Variants in ANKRD9 observed in about 807,000 individuals in gnomAD.
ANKRD9 encodes ankyrin repeat domain-containing protein 9.
A neutral mutation model predicts 19.2 loss-of-function variants in ANKRD9; 13 were observed. The observed-to-expected ratio is 0.68, with a 90% CI of 0.44 to 1.08. The LOEUF (loss-of-function observed/expected upper bound fraction) is 1.08. Ranked by LOEUF, ANKRD9 falls within the 50% of genes least tolerant of loss-of-function variation. ANKRD9 has a pLI of 0.00. For synonymous variants in ANKRD9, 278 were observed against 256.8 expected (o/e 1.08, Z -0.79); for missense variants, 518 against 499.9 (o/e 1.04, Z -0.34).
At position 102,505,125 on chromosome 14, in the gene ANKRD9, A is replaced by G. The variant is rs1891550752; in HGVS notation, c.*1811T>C. The G allele has an allele frequency of 6.6e-6, 1 of 152,468 alleles. No homozygotes were observed. The allele number at this position is 152,468 out of a possible 1,614,324, so 9.4% of individuals were successfully genotyped here. ...AGAACAGAGCTGGAGCTGGGGAGACATGAAGTCTGCACATCTAGACCCCAG... is the reference window on the plus strand; with the variant it reads ...AGAACAGAGCTGGAGCTGGGGAGACGTGAAGTCTGCACATCTAGACCCCAG... On this transcript the variant is annotated 3_prime_UTR_variant, in exon 4 of 4. Transcript: ENST00000286918.
chr14:102,506,942 T>A lies in ANKRD9; in HGVS notation c.948A>T (p.Lys316Asn). ...CGCCTAGGGTGCTCCGGGCCTAGCC[T>A]TTGCCAGTGAGGTCCAACGGCTGCA... The part of the protein sequence containing the change: ...PFLQPLDLTG[K>N]G Residue 316 changes from lysine to asparagine, a missense_variant, in exon 4 of 4, where the codon AAA becomes AAT. By Grantham distance (94) the Lys-to-Asn change is moderately conservative (BLOSUM62 0). Transcript: ENST00000286918. 1 of 1,515,432 alleles carries A rather than the reference T, an allele frequency of 6.6e-7. No individual in the cohort carries two copies. The highest frequency in any genetic ancestry group is 2.6e-5 in the East Asian group (1 of 39,086). 93.9% of individuals were successfully genotyped at this position (1,515,432 alleles called of 1,614,324 possible).
chr14:102,505,282 C>CCCCCA lies in ANKRD9; in HGVS notation c.*1653_*1654insTGGGG, dbSNP rs988941686. The CCCCCA allele has an allele frequency of 6.6e-6, 1 of 151,902 alleles. No homozygotes were observed. Among genetic ancestry groups the CCCCCA allele is most frequent in the Non-Finnish European group, 1.5e-5 (1 of 67,968 alleles). 9.4% of individuals were successfully genotyped at this position (151,902 alleles called of 1,614,324 possible). ...TCCAAAGGAGAGGCACCTCCCCCCC[C>CCCCCA]CATGGCATCTCCAATCTGAGGACCT... On this transcript the variant is annotated 3_prime_UTR_variant, in exon 4 of 4. Coordinates refer to ENST00000286918, the MANE Select transcript of ANKRD9 (RefSeq NM_152326.4).
In ANKRD9 at chr14:102,503,849, G is replaced by C. The variant is rs914043426; in HGVS notation, c.*3087C>G. The C allele has an allele frequency of 1.3e-5, 2 of 152,180 alleles. No homozygotes were observed. The highest frequency in any genetic ancestry group is 2.9e-5 in the Non-Finnish European group (2 of 68,034). 9.4% of individuals were successfully genotyped at this position (152,180 alleles called of 1,614,324 possible). Reference sequence around the variant, plus strand: ...CAACTTCCAGGAAGAACCTTCTTCTGAATAGGATTTGAGGTAACTTAGGAA... The same window carrying C: ...CAACTTCCAGGAAGAACCTTCTTCTCAATAGGATTTGAGGTAACTTAGGAA... On this transcript the variant is annotated 3_prime_UTR_variant, in exon 4 of 4. Coordinates refer to ENST00000286918, the MANE Select transcript of ANKRD9 (RefSeq NM_152326.4).
chr14:102,507,157 C>T lies in ANKRD9; in HGVS notation c.733G>A (p.Gly245Ser). The change falls in exon 4 of 4, where the codon GGC becomes AGC. Residue 245 changes from glycine to serine, a missense_variant. Transcript: ENST00000286918. The surrounding 1 kb of genome is among the most constrained non-coding windows in gnomAD (Gnocchi z 9.2). ...CCCAGCAGCTCCTGGCGGGCCGAGC[C>T]GGCGGCACCCACGGGGGTGTACAGC... ...LALYTPVGAA[G>S]SARQELLGDR... The T allele has an allele frequency of 1.4e-6, 2 of 1,421,662 alleles. No individual in the cohort carries two copies. The highest frequency in any genetic ancestry group is 1.5e-5 in the South Asian group (1 of 67,436). The allele number at this position is 1,421,662 out of a possible 1,614,324, so 88.1% of individuals were successfully genotyped here. A position where few individuals can be genotyped will look rare whatever the true frequency, so the allele number is the denominator to read the frequency against.
In ANKRD9 at chr14:102,507,136, G is replaced by C. The variant is rs1891620656; in HGVS notation, c.754C>G (p.Leu252Val). 1 of 1,457,648 alleles carries C rather than the reference G, an allele frequency of 6.9e-7. No homozygotes were observed. Among genetic ancestry groups the C allele is most frequent in the African/African-American group, 1.5e-5 (1 of 67,592 alleles). The allele number at this position is 1,457,648 out of a possible 1,614,324, so 90.3% of individuals were successfully genotyped here. A position where few individuals can be genotyped will look rare whatever the true frequency, so the allele number is the denominator to read the frequency against. ...CGCTGCCAGCGCGGCCGGTCGCCCA[G>C]CAGCTCCTGGCGGGCCGAGCCGGCG... ...GAAGSARQEL[L>V]GDRPRWQRLL... The change falls in exon 4 of 4, where the codon CTG (leucine) becomes GTG (valine). Residue 252 changes from leucine (L) to valine (V), a missense_variant. By Grantham distance (32) the Leu-to-Val change is conservative (BLOSUM62 1). Transcript: ENST00000286918. The surrounding 1 kb of genome is among the most constrained non-coding windows in gnomAD (Gnocchi z 9.2).
At position 102,503,743 on chromosome 14, in the gene ANKRD9, T is replaced by TC. The variant is rs1475216486; in HGVS notation, c.*3192dup. On this transcript the variant is annotated 3_prime_UTR_variant, in exon 4 of 4. Coordinates refer to ENST00000286918, the MANE Select transcript of ANKRD9 (RefSeq NM_152326.4). ...ACACACTGCAGAGGGGCAGGGCTCC[T>TC]CCGGCAGTTACTCACTTCCCTTGAA... 4 of 152,160 alleles carry TC rather than the reference T, an allele frequency of 2.6e-5. No individual in the cohort carries two copies. Among genetic ancestry groups the TC allele is most frequent in the Non-Finnish European group, 5.9e-5 (4 of 68,030 alleles). The allele number at this position is 152,160 out of a possible 1,614,324, so 9.4% of individuals were successfully genotyped here. A position where few individuals can be genotyped will look rare whatever the true frequency, so the allele number is the denominator to read the frequency against.
In ANKRD9 at chr14:102,506,997, G is replaced by A. The variant is rs750823402; in HGVS notation, c.893C>T (p.Ala298Val). ...TGGGGGCAGCGGCAGCTCGTCCAGGGCCTCGGGGAAGCGGCCTGGAGAGAT... is the reference window on the plus strand; with the variant it reads ...TGGGGGCAGCGGCAGCTCGTCCAGGACCTCGGGGAAGCGGCCTGGAGAGAT... ...TAISPGRFPE[A>V]LDELPLPPFL... is the part of the protein sequence containing the mutation. Residue 298 changes from alanine (A) to valine (V), a missense_variant, in exon 4 of 4, where the codon GCC (alanine) becomes GTC (valine). Physicochemically the swap from Ala to Val is moderately conservative, Grantham distance 64 (BLOSUM62 0). Coordinates refer to ENST00000286918, the MANE Select transcript of ANKRD9 (RefSeq NM_152326.4). 5.1e-6 allele frequency: 8 copies of A among 1,577,912 alleles called. No individual in the cohort carries two copies. In the East Asian group the frequency reaches 1.7e-4, roughly 33 times the overall value.
chr14:102,506,084 C>G lies in ANKRD9; in HGVS notation c.*852G>C, dbSNP rs1040279010. 2 of 152,212 alleles carry G rather than the reference C, an allele frequency of 1.3e-5. No individual in the cohort carries two copies. The highest frequency in any genetic ancestry group is 4.8e-5 in the African/African-American group (2 of 41,434). The allele number at this position is 152,212 out of a possible 1,614,324, so 9.4% of individuals were successfully genotyped here. ...CAGCTCTCCAGGCTGGGGCAAGAAG[C>G]CTGTCCCTACAGTGATACAACCACC... is the stretch of plus-strand genomic sequence containing the variant. On this transcript the variant is annotated 3_prime_UTR_variant, in exon 4 of 4. Coordinates refer to ENST00000286918, the MANE Select transcript of ANKRD9 (RefSeq NM_152326.4).
Position 102,509,654 on chromosome 14 carries a change from C to T in ANKRD9, c.-460G>A, listed in dbSNP as rs1296298464. 1.4e-5 allele frequency: 2 copies of T among 145,428 alleles called. No individual in the cohort carries two copies. The highest frequency in any genetic ancestry group is 3.1e-5 in the Non-Finnish European group (2 of 65,514). The allele number at this position is 145,428 out of a possible 1,614,324, so 9.0% of individuals were successfully genotyped here. A position where few individuals can be genotyped will look rare whatever the true frequency, so the allele number is the denominator to read the frequency against. On this transcript the variant is annotated 5_prime_UTR_variant, in exon 1 of 4. Coordinates refer to ENST00000286918, the MANE Select transcript of ANKRD9 (RefSeq NM_152326.4). ...GACGCACGGGAGGGAGCCACCGCCG[C>T]CCGCGCCCGCCGCAGCCGCGCTCTG...
chr14:102,502,149 G>C lies in ANKRD9; in HGVS notation c.*4787C>G, dbSNP rs563621044. The C allele has an allele frequency of 6.6e-6, 1 of 151,756 alleles. No individual in the cohort carries two copies. The highest frequency in any genetic ancestry group is 6.5e-5 in the Admixed American group (1 of 15,290). The allele number at this position is 151,756 out of a possible 1,614,324, so 9.4% of individuals were successfully genotyped here. A position where few individuals can be genotyped will look rare whatever the true frequency, so the allele number is the denominator to read the frequency against. On this transcript the variant is annotated 3_prime_UTR_variant, in exon 4 of 4. Transcript: ENST00000286918. The stretch of plus-strand genomic sequence containing the variant: ...CGTGTGTGCAGGAAGCGGAGGCGCA[G>C]GACCTCACCGCGCCAGCGTGAAGTT...
Position 102,507,110 on chromosome 14 carries a change from C to G in ANKRD9, c.780G>C (p.Arg260=). 6.6e-7 allele frequency: 1 copy of G among 1,516,570 alleles called. No individual in the cohort carries two copies. The highest frequency in any genetic ancestry group is 2.1e-5 in the Admixed American group (1 of 48,538). 93.9% of individuals were successfully genotyped at this position (1,516,570 alleles called of 1,614,324 possible). A position where few individuals can be genotyped will look rare whatever the true frequency, so the allele number is the denominator to read the frequency against. Residue 260 remains arginine (R), a synonymous_variant, in exon 4 of 4, where the codon CGG becomes CGC. Transcript: ENST00000286918. This position sits in a 1 kb window ranked among gnomAD's most constrained non-coding sequence, Gnocchi z 9.2. ...ACTGGAACTTGTCCTCACCCAGCAGCCGCTGCCAGCGCGGCCGGTCGCCCA... is the reference window on the plus strand; with the variant it reads ...ACTGGAACTTGTCCTCACCCAGCAGGCGCTGCCAGCGCGGCCGGTCGCCCA... ...ELLGDRPRWQ[R]LLGEDKFQWL...
chr14:102,507,930 C>G lies in ANKRD9; in HGVS notation c.-41G>C, dbSNP rs1352748166. On this transcript the variant is annotated 5_prime_UTR_variant, in exon 4 of 4. Coordinates refer to ENST00000286918, the MANE Select transcript of ANKRD9 (RefSeq NM_152326.4). The surrounding 1 kb of genome is among the most constrained non-coding windows in gnomAD (Gnocchi z 9.2). Reference sequence around the variant, plus strand: ...TTCCTGGGCCTCAAGGCATGGATCCCGCGAAGGCACACCTGCGGGGAAAGG... The same window carrying G: ...TTCCTGGGCCTCAAGGCATGGATCCGGCGAAGGCACACCTGCGGGGAAAGG... 9.1e-7 allele frequency: 1 copy of G among 1,098,748 alleles called. No homozygotes were observed. Among genetic ancestry groups the G allele is most frequent in the Non-Finnish European group, 1.1e-6 (1 of 893,042 alleles). 68.1% of individuals were successfully genotyped at this position (1,098,748 alleles called of 1,614,324 possible). A position where few individuals can be genotyped will look rare whatever the true frequency, so the allele number is the denominator to read the frequency against.
rs557018802 is a variant in ANKRD9, at chr14:102,505,274, T to TGCC, written c.*1661_*1662insGGC. 6 of 145,066 alleles carry TGCC rather than the reference T, an allele frequency of 4.1e-5. No individual in the cohort carries two copies. Among genetic ancestry groups the TGCC allele is most frequent in the Admixed American group, 4.1e-4 (6 of 14,570 alleles). The allele number at this position is 145,066 out of a possible 1,614,324, so 9.0% of individuals were successfully genotyped here. A position where few individuals can be genotyped will look rare whatever the true frequency, so the allele number is the denominator to read the frequency against. On this transcript the variant is annotated 3_prime_UTR_variant, in exon 4 of 4. Transcript: ENST00000286918. Reference sequence around the variant, plus strand: ...CCATACCCTCCAAAGGAGAGGCACCTCCCCCCCCCATGGCATCTCCAATCT... The same window carrying TGCC: ...CCATACCCTCCAAAGGAGAGGCACCTGCCCCCCCCCCCATGGCATCTCCAATCT...
chr14:102,507,629 G>A lies in ANKRD9; in HGVS notation c.261C>T (p.Tyr87=), dbSNP rs1470278087. The stretch of plus-strand genomic sequence containing the variant: ...GGAACGTGGCCAGCAGGTAATGCGC[G>A]TACGCTTGGTGGTCGTGCACGAGCG... ...LYALVHDHQA[Y]AHYLLATFPR... Residue 87 remains tyrosine, a synonymous_variant, in exon 4 of 4, where the codon TAC becomes TAT. Coordinates refer to ENST00000286918, the MANE Select transcript of ANKRD9 (RefSeq NM_152326.4). The surrounding 1 kb of genome is among the most constrained non-coding windows in gnomAD (Gnocchi z 9.2). The A allele has an allele frequency of 1.3e-6, 2 of 1,530,944 alleles. No homozygotes were observed. Among genetic ancestry groups the A allele is most frequent in the East Asian group, 2.5e-5 (1 of 39,332 alleles). 94.8% of individuals were successfully genotyped at this position (1,530,944 alleles called of 1,614,324 possible).
At position 102,507,922 on chromosome 14, in the gene ANKRD9, A is replaced by G. The variant is rs1891668687; in HGVS notation, c.-33T>C. The stretch of plus-strand genomic sequence containing the variant: ...GCGGGGCGTTCCTGGGCCTCAAGGC[A>G]TGGATCCCGCGAAGGCACACCTGCG... On this transcript the variant is annotated 5_prime_UTR_variant, in exon 4 of 4. An upstream start codon of the reference 5' UTR is lost. Coordinates refer to ENST00000286918, the MANE Select transcript of ANKRD9 (RefSeq NM_152326.4). The surrounding 1 kb of genome is among the most constrained non-coding windows in gnomAD (Gnocchi z 9.2). The G allele has an allele frequency of 1.8e-6, 2 of 1,100,862 alleles. No homozygotes were observed. The highest frequency in any genetic ancestry group is 1.1e-6 in the Non-Finnish European group (1 of 894,276). 68.2% of individuals were successfully genotyped at this position (1,100,862 alleles called of 1,614,324 possible).
In ANKRD9 at chr14:102,507,936, G is replaced by A; in HGVS notation, c.-47C>T. The A allele has an allele frequency of 1.8e-6, 2 of 1,097,180 alleles. No individual in the cohort carries two copies. Among genetic ancestry groups the A allele is most frequent in the South Asian group, 8.8e-5 (2 of 22,666 alleles). The allele number at this position is 1,097,180 out of a possible 1,614,324, so 68.0% of individuals were successfully genotyped here. On this transcript the variant is annotated 5_prime_UTR_variant, in exon 4 of 4. Coordinates refer to ENST00000286918, the MANE Select transcript of ANKRD9 (RefSeq NM_152326.4). This position sits in a 1 kb window ranked among gnomAD's most constrained non-coding sequence, Gnocchi z 9.2. ...GGCCTCAAGGCATGGATCCCGCGAA[G>A]GCACACCTGCGGGGAAAGGAAGAGG...
rs1953824765 is a variant in ANKRD9, at chr14:102,502,769, T to A, written c.*4167A>T. On this transcript the variant is annotated 3_prime_UTR_variant, in exon 4 of 4. Coordinates refer to ENST00000286918, the MANE Select transcript of ANKRD9 (RefSeq NM_152326.4). ...GCAGATGACGCACTCAGTCAGCGCC[T>A]TTACTTGTACGTGAGCGCTTAGGGG... The A allele has an allele frequency of 6.6e-6, 1 of 152,188 alleles. No individual in the cohort carries two copies. Among genetic ancestry groups the A allele is most frequent in the African/African-American group, 2.4e-5 (1 of 41,442 alleles). The allele number at this position is 152,188 out of a possible 1,614,324, so 9.4% of individuals were successfully genotyped here.
chr14:102,506,981 C>G lies in ANKRD9; in HGVS notation c.909G>C (p.Pro303=), dbSNP rs751633061. 7.0e-6 allele frequency: 11 copies of G among 1,567,824 alleles called. No homozygotes were observed. Among genetic ancestry groups the G allele is most frequent in the Admixed American group, 1.8e-5 (1 of 55,574 alleles). ...CCAACGGCTGCAGGAATGGGGGCAGCGGCAGCTCGTCCAGGGCCTCGGGGA... is the reference window on the plus strand; with the variant it reads ...CCAACGGCTGCAGGAATGGGGGCAGGGGCAGCTCGTCCAGGGCCTCGGGGA... ...GRFPEALDEL[P]LPPFLQPLDL... The change falls in exon 4 of 4, where the codon CCG becomes CCC. Residue 303 remains proline (P), a synonymous_variant. Coordinates refer to ENST00000286918, the MANE Select transcript of ANKRD9 (RefSeq NM_152326.4).
At position 102,506,848 on chromosome 14, in the gene ANKRD9, C is replaced by T. The variant is rs1280473026; in HGVS notation, c.*88G>A. 1.5e-6 allele frequency: 2 copies of T among 1,313,778 alleles called. No homozygotes were observed. The highest frequency in any genetic ancestry group is 3.1e-5 in the East Asian group (1 of 32,638). 81.4% of individuals were successfully genotyped at this position (1,313,778 alleles called of 1,614,324 possible). A position where few individuals can be genotyped will look rare whatever the true frequency, so the allele number is the denominator to read the frequency against. ...GCGACAGATGAGGCAGAGATTGTGC[C>T]GTACAGAGATCAATATATATAAAGT... On this transcript the variant is annotated 3_prime_UTR_variant, in exon 4 of 4. Coordinates refer to ENST00000286918, the MANE Select transcript of ANKRD9 (RefSeq NM_152326.4).
Sources: gnomAD v4.1 joint callset for allele counts on GRCh38, gnomAD v4.1.1 for gene constraint, Gnocchi (gnomAD v3.1) non-coding constraint, MANE v1.5 for transcripts, NCBI Gene and HGNC (gene_info 2026-07-23, HGNC 2026-07-21) for gene names.